The following CACNA1B variants were observed in gnomAD, a reference collection of about 807,000 sequenced individuals.
CACNA1B encodes calcium voltage-gated channel subunit alpha1 B.
In CACNA1B, 70 loss-of-function variants were observed where a neutral mutation model predicts 247.2. The observed-to-expected ratio is 0.28, with a 90% CI of 0.23 to 0.35. CACNA1B has a LOEUF of 0.35. CACNA1B is among the 10% of genes least tolerant of loss of function. CACNA1B has a pLI of 1.00. For missense variants in CACNA1B, 2,367 were observed against 3,197.4 expected, an observed-to-expected ratio of 0.74 and a Z score of 6.26; for synonymous variants, 1,231 against 1,294.4, an observed-to-expected ratio of 0.95 and a Z score of 1.05.
chr9:138,120,325 A>G lies in CACNA1B; in HGVS notation c.6191A>G (p.Gln2064Arg). ...TGCCACCGCCGCAGGGACAGGAAGC[A>G]GAGGTCCCTGGAGAAGGGGCCCAGC... The part of the protein sequence containing the change: ...HRCHRRRDRK[Q>R]RSLEKGPSLS... Residue 2064 changes from glutamine to arginine, a missense_variant, in exon 45 of 47, where the codon CAG becomes CGG. By Grantham distance (43) the Gln-to-Arg change is conservative. Transcript: ENST00000371372. The G allele has an allele frequency of 1.9e-6, 3 of 1,563,500 alleles. No homozygotes were observed. Among genetic ancestry groups the G allele is most frequent in the Non-Finnish European group, 2.6e-6 (3 of 1,159,666 alleles).
chr9:137,992,796 CAAAA>C (rs58721134), intron 15 of CACNA1B, among the ~76,000 whole-genome samples: 2 of 104,782 alleles, frequency 1.9e-5, no homozygotes, highest in Non-Finnish European at 4.4e-5. Context: ...GACTCCGTCT[CAAAA>C]AAAAAAAAAA....
In CACNA1B at chr9:138,105,468, A is replaced by G. The variant is rs115795944; in HGVS notation, c.5320-231A>G. 0.016 allele frequency among the ~76,000 whole-genome samples: 2,474 copies of G among 152,254 alleles called. 71 individuals carry two copies. The highest frequency in any genetic ancestry group is 0.056 in the African/African-American group (2,322 of 41,532). ...GGCTCCAGTCTTTACCTGGAGTTCT[A>G]CTTTTCTGCAGCCAGGAGGGTCCTC... is the stretch of plus-strand genomic sequence containing the variant. On this transcript the variant is annotated intron_variant, in intron 38 of 46. Transcript: ENST00000371372.
At chr9:138,075,732 G>A (rs546403728) in intron 34 of CACNA1B, 87 bp from the exon 35 acceptor site, 53 of 823,736 alleles carry the variant, frequency 6.4e-5, no homozygotes, top group Middle Eastern at 3.2e-4. Flanking sequence ...GTCCTTGTAC[G>A]GCTCGCACGC....
chr9:137,965,272 C>G (rs1355370654), intron 10 of CACNA1B, among the ~76,000 whole-genome samples: 1 of 152,258 alleles, frequency 6.6e-6, no homozygotes, highest in Non-Finnish European at 1.5e-5. Flanking sequence ...TTTGAGCTTT[C>G]CAAGTCCCAC....
At chr9:137,883,989 C>CTG in intron 3 of CACNA1B, among the ~76,000 whole-genome samples, 1 of 150,576 alleles carries the variant, frequency 6.6e-6, no homozygotes, top group African/African-American at 2.4e-5. Context: ...CTTCAAGGTT[C>CTG]TGTGTGTGTG....
At chr9:137,970,621 C>T (rs770907408) in intron 10 of CACNA1B, among the ~76,000 whole-genome samples, 4 of 152,144 alleles carry the variant, frequency 2.6e-5, no homozygotes, top group African/African-American at 7.2e-5. Context: ...ATGGTGTGCC[C>T]AGAGCAGGTG....
rs1410750224 is a variant in CACNA1B at position 138,020,686 on chromosome 9, T to G, written c.2268-2325T>G. 1.3e-5 allele frequency among the ~76,000 whole-genome samples: 2 copies of G among 152,068 alleles called. No individual in the cohort carries two copies. On this transcript the variant is annotated intron_variant, in intron 18 of 46. Transcript: ENST00000371372. The surrounding 1 kb of genome is among the most constrained non-coding windows in gnomAD (Gnocchi z 4.1). ...GGCTGCGGGGGGCGGGCAGGTGCCC[T>G]AGCGTAGGCTGCTCAGCATGTTGCT...
In CACNA1B at chr9:138,023,212, C is replaced by T; in HGVS notation, c.2469C>T (p.Arg823=). ...GGCCGCTGGTGGTGGAGCTGGGCCG[C>T]GACGGCGCGCGGGGGCCCGTGGGAG... The part of the protein sequence containing the change: ...LDRPLVVELG[R]DGARGPVGGK... Residue 823 remains arginine, a synonymous_variant, in exon 19 of 47, where the codon CGC becomes CGT. Transcript: ENST00000371372. The T allele has an allele frequency of 2.6e-6, 4 of 1,511,790 alleles. No homozygotes were observed. The highest frequency in any genetic ancestry group is 3.5e-6 in the Non-Finnish European group (4 of 1,138,454). The allele number at this position is 1,511,790 out of a possible 1,614,324, so 93.6% of individuals were successfully genotyped here.
chr9:138,085,664 C>A (rs1261929428), intron 36 of CACNA1B, among the ~76,000 whole-genome samples: 1 of 151,156 alleles, frequency 6.6e-6, no homozygotes, highest in South Asian at 2.1e-4. Flanking sequence ...ATAACAGAAT[C>A]CCCCGTTAGA....
intron 3 of CACNA1B, chr9:137,892,685 G>A (rs1957119643): frequency 3.1e-6 from 1 of 322,898 alleles, no homozygotes; most frequent in Non-Finnish European, 6.1e-6. Flanking sequence ...CCGTCCAAGG[G>A]TGGGGGCTCC....
At chr9:137,988,006 T>G (rs1280621001) in intron 15 of CACNA1B, among the ~76,000 whole-genome samples, 1 of 152,212 alleles carries the variant, frequency 6.6e-6, no homozygotes, top group Non-Finnish European at 1.5e-5. Context: ...CTCCTCTTAT[T>G]CCTCGAGTGG....
At chr9:138,039,802 G>A (rs1231390042) in intron 20 of CACNA1B, among the ~76,000 whole-genome samples, 1 of 151,306 alleles carries the variant, frequency 6.6e-6, no homozygotes, top group East Asian at 1.9e-4. Flanking sequence ...TGCTTCCGAG[G>A]GATATGTTTT....
intron 12 of CACNA1B, among the ~76,000 whole-genome samples, chr9:137,982,594 C>G (rs1181377551): frequency 6.6e-6 from 1 of 152,092 alleles, no homozygotes; most frequent in African/African-American, 2.4e-5. Context: ...ACTACATGAA[C>G]CAGTGAGGAC....
rs1958417854 is a variant in CACNA1B at position 137,990,345 on chromosome 9, C to A, written c.1974+3491C>A. On this transcript the variant is annotated intron_variant, in intron 15 of 46. Coordinates refer to ENST00000371372, the MANE Select transcript of CACNA1B (RefSeq NM_000718.4). The surrounding 1 kb of genome is among the most constrained non-coding windows in gnomAD (Gnocchi z 4.5). Reference sequence around the variant, plus strand: ...GAGCTCAGACACCCTATTCCTGCCCCCACCTGGTGGTCTTTCTCTACCCAC... The same window carrying A: ...GAGCTCAGACACCCTATTCCTGCCCACACCTGGTGGTCTTTCTCTACCCAC... Among the ~76,000 whole-genome samples the A allele has an allele frequency of 6.6e-6, 1 of 152,062 alleles. No homozygotes were observed. The highest frequency in any genetic ancestry group is 6.6e-5 in the Admixed American group (1 of 15,266).
At chr9:138,069,499 A>G (rs1032519967) in intron 31 of CACNA1B, among the ~76,000 whole-genome samples, 6 of 152,234 alleles carry the variant, frequency 3.9e-5, no homozygotes, top group Middle Eastern at 3.2e-3. Context: ...TTTAAGAAAA[A>G]TAATGCAGTT....
Position 138,059,998 on chromosome 9 carries a change from A to G in CACNA1B, c.4668+261A>G, listed in dbSNP as rs1959665795. ...GAGTTACCTGGAGCTCCATGGTAAC[A>G]ACTAATCAAGAAGATGTGAATCTTA... On this transcript the variant is annotated intron_variant, in intron 31 of 46. Coordinates refer to ENST00000371372, the MANE Select transcript of CACNA1B (RefSeq NM_000718.4). The surrounding 1 kb of genome is among the most constrained non-coding windows in gnomAD (Gnocchi z 4.2). Among the ~76,000 whole-genome samples the G allele has an allele frequency of 1.3e-5, 2 of 152,256 alleles. No individual in the cohort carries two copies. The highest frequency in any genetic ancestry group is 6.5e-5 in the Admixed American group (1 of 15,292).
chr9:137,978,310 A>C (rs1207274239), intron 12 of CACNA1B, among the ~76,000 whole-genome samples: 3 of 126,134 alleles, frequency 2.4e-5, no homozygotes, highest in Non-Finnish European at 5.0e-5. Flanking sequence ...CCCAGGAAGG[A>C]GTGATGGGAG....
chr9:137,963,865 A>G (rs1958046930), intron 10 of CACNA1B, among the ~76,000 whole-genome samples: 1 of 152,192 alleles, frequency 6.6e-6, no homozygotes, highest in Non-Finnish European at 1.5e-5. Flanking sequence ...TGCTTCCATT[A>G]GGACCCCTTG....
At chr9:137,934,728 A>G (rs1957645582) in intron 6 of CACNA1B, among the ~76,000 whole-genome samples, 1 of 152,300 alleles carries the variant, frequency 6.6e-6, no homozygotes, top group East Asian at 1.9e-4. Flanking sequence ...AGAGACAACA[A>G]TCACTATAGC....
Sources: allele counts gnomAD v4.1 joint callset (sites outside exome capture counted in the v4.1 genomes callset), GRCh38; gene constraint gnomAD v4.1.1; non-coding constraint Gnocchi (gnomAD v3.1); transcripts MANE v1.5; gene names NCBI Gene and HGNC (gene_info 2026-07-23, HGNC 2026-07-21).